The following RFTN1 variants were observed in gnomAD, a reference collection of about 807,000 sequenced individuals.
The protein encoded by RFTN1 is raftlin.
In RFTN1, 26 loss-of-function variants were observed where a neutral mutation model predicts 46.5. That is an observed-to-expected ratio of 0.56 (90% CI 0.41 to 0.78). The LOEUF is 0.78. RFTN1 is among the 30% of genes least tolerant of loss of function. The pLI, the probability that RFTN1 is intolerant of heterozygous loss-of-function variation, is 0.00. For missense variants in RFTN1, 693 were observed against 718.7 expected (o/e 0.96, Z 0.41); for synonymous variants, 261 against 284.2 (o/e 0.92, Z 0.82).
At chr3:16,358,943 A>G (rs369640743) in intron 6 of RFTN1, among the ~76,000 whole-genome samples, 1 of 150,862 alleles carries the variant, frequency 6.6e-6, no homozygotes, top group African/African-American at 2.4e-5. Context: ...GAGGCAGGAG[A>G]ATCGCTTGAA....
At chr3:16,409,708 G>T (rs1432296263) in intron 3 of RFTN1, among the ~76,000 whole-genome samples, 2 of 137,014 alleles carry the variant, frequency 1.5e-5, no homozygotes, top group African/African-American at 2.8e-5. Context: ...TTTTTGAGAC[G>T]GAGTCTTGCT....
rs1232402422 is a variant in RFTN1, at chr3:16,348,424, C to T, written c.1146+9508G>A. Among the ~76,000 whole-genome samples, 1 of 152,186 alleles carries T rather than the reference C, an allele frequency of 6.6e-6. No individual in the cohort carries two copies. Among genetic ancestry groups the T allele is most frequent in the Non-Finnish European group, 1.5e-5 (1 of 68,032 alleles). Reference sequence around the variant, plus strand: ...TGGCCTCTGCTCCTGTCACTTCCCACAGCAGGAAGCCCCCACACTCAATTC... The same window carrying T: ...TGGCCTCTGCTCCTGTCACTTCCCATAGCAGGAAGCCCCCACACTCAATTC... On this transcript the variant is annotated intron_variant, in intron 7 of 9. Coordinates refer to ENST00000334133, the MANE Select transcript of RFTN1 (RefSeq NM_015150.2). The surrounding 1 kb of genome is among the most constrained non-coding windows in gnomAD (Gnocchi z 6.3).
At position 16,424,240 on chromosome 3, in the gene RFTN1, T is replaced by G. The variant is rs1352664303; in HGVS notation, c.332+9611A>C. Among the ~76,000 whole-genome samples the G allele has an allele frequency of 6.6e-6, 1 of 152,076 alleles. No individual in the cohort carries two copies. Among genetic ancestry groups the G allele is most frequent in the Non-Finnish European group, 1.5e-5 (1 of 68,012 alleles). ...CATGAGTCTCAAGATGGAACTTGAG[T>G]TCTATATTCACCACACACTCCCATT... On this transcript the variant is annotated intron_variant, in intron 3 of 9. Transcript: ENST00000334133. This position sits in a 1 kb window ranked among gnomAD's most constrained non-coding sequence, Gnocchi z 4.7.
intron 2 of RFTN1, among the ~76,000 whole-genome samples, chr3:16,438,881 C>T (rs4453821): frequency 6.6e-6 from 1 of 152,142 alleles, no homozygotes; most frequent in Admixed American, 6.5e-5. Flanking sequence ...TGAAATCCTT[C>T]CCCATTCCCA....
chr3:16,320,455 A>G lies in RFTN1; in HGVS notation c.1332+2921T>C, dbSNP rs971283060. On this transcript the variant is annotated intron_variant, in intron 9 of 9. Transcript: ENST00000334133. The surrounding 1 kb of genome is among the most constrained non-coding windows in gnomAD (Gnocchi z 4.5). ...TGATTACTCATTCATTGATTCGACAAGTATCTGTTGAGCACCAACTAAAAT... is the reference window on the plus strand; with the variant it reads ...TGATTACTCATTCATTGATTCGACAGGTATCTGTTGAGCACCAACTAAAAT... Among the ~76,000 whole-genome samples, 6 of 152,254 alleles carry G rather than the reference A, an allele frequency of 3.9e-5. No individual in the cohort carries two copies. The highest frequency in any genetic ancestry group is 8.8e-5 in the Non-Finnish European group (6 of 68,044).
rs2068469178 is a variant in RFTN1, at chr3:16,317,008, C to A, written c.1557G>T (p.Gln519His). 6.2e-7 allele frequency: 1 copy of A among 1,613,626 alleles called. No homozygotes were observed. Among genetic ancestry groups the A allele is most frequent in the East Asian group, 2.2e-5 (1 of 44,806 alleles). ...KGPVQEDKGEQLSPGGLLCGV... is the reference protein window; with the variant it reads ...KGPVQEDKGEHLSPGGLLCGV... The stretch of plus-strand genomic sequence containing the variant: ...CACACAGCAGGCCACCAGGGGACAG[C>A]TGTTCTCCCTTGTCCTCTTGGACAG... Residue 519 changes from glutamine to histidine, a missense_variant, in exon 10 of 10, where the codon CAG becomes CAT. Gln to His is a conservative substitution (Grantham distance 24). Coordinates refer to ENST00000334133, the MANE Select transcript of RFTN1 (RefSeq NM_015150.2). The surrounding 1 kb of genome is among the most constrained non-coding windows in gnomAD (Gnocchi z 4.3).
rs1031191440 is a variant in RFTN1, at chr3:16,338,629, T to C, written c.1147-11753A>G. Among the ~76,000 whole-genome samples, 2 of 152,182 alleles carry C rather than the reference T, an allele frequency of 1.3e-5. No individual in the cohort carries two copies. Among genetic ancestry groups the C allele is most frequent in the African/African-American group, 4.8e-5 (2 of 41,438 alleles). ...GACTTGCCAGGTCCCTCCTACTGGC[T>C]TTGATGAGAGAGAAAACTAGGCTTT... is the stretch of plus-strand genomic sequence containing the variant. On this transcript the variant is annotated intron_variant, in intron 7 of 9. Coordinates refer to ENST00000334133, the MANE Select transcript of RFTN1 (RefSeq NM_015150.2). The surrounding 1 kb of genome is among the most constrained non-coding windows in gnomAD (Gnocchi z 5.3).
chr3:16,414,203 T>C (rs12486361), intron 3 of RFTN1, among the ~76,000 whole-genome samples: 70,643 of 151,508 alleles, frequency 0.47, 16,536 homozygotes, highest in East Asian at 0.58. Context: ...CCTCTGCCTT[T>C]GTGGAGCTAA....
Position 16,374,999 on chromosome 3 carries a change from C to T in RFTN1, c.826+2719G>A, listed in dbSNP as rs557822546. On this transcript the variant is annotated intron_variant, in intron 5 of 9. Transcript: ENST00000334133. This position sits in a 1 kb window ranked among gnomAD's most constrained non-coding sequence, Gnocchi z 5.4. ...CAGGCATTGCCTAGATTCCTCTCCC[C>T]AAGGCCTCCTATAAAGGAAATAAAT... Among the ~76,000 whole-genome samples, 1 of 152,172 alleles carries T rather than the reference C, an allele frequency of 6.6e-6. No individual in the cohort carries two copies. Among genetic ancestry groups the T allele is most frequent in the East Asian group, 1.9e-4 (1 of 5,188 alleles).
chr3:16,331,457 T>C (rs2070301907), intron 7 of RFTN1, among the ~76,000 whole-genome samples: 2 of 152,232 alleles, frequency 1.3e-5, no homozygotes, highest in South Asian at 4.1e-4. Context: ...TATTGCTCAA[T>C]GCTGGGTCAA....
At chr3:16,395,814 G>C (rs1485598294) in intron 4 of RFTN1, among the ~76,000 whole-genome samples, 2 of 152,194 alleles carry the variant, frequency 1.3e-5, no homozygotes, top group Non-Finnish European at 2.9e-5. Flanking sequence ...ATTGAGATGT[G>C]ATTTAAGTGA....
chr3:16,362,193 A>G (rs1407549407), intron 6 of RFTN1, among the ~76,000 whole-genome samples: 1 of 152,200 alleles, frequency 6.6e-6, no homozygotes, highest in East Asian at 1.9e-4. Context: ...CCAACATAAG[A>G]TAGTTCTCCA....
chr3:16,399,691 A>G (rs1399898437), intron 4 of RFTN1, among the ~76,000 whole-genome samples: 1 of 152,066 alleles, frequency 6.6e-6, no homozygotes, highest in East Asian at 1.9e-4. Context: ...TTCAGTTACC[A>G]TCTGCCAGCA....
At chr3:16,396,350 G>A (rs1168999821) in intron 4 of RFTN1, among the ~76,000 whole-genome samples, 4 of 152,146 alleles carry the variant, frequency 2.6e-5, no homozygotes, top group East Asian at 1.9e-4. Context: ...GTGCAGCAGC[G>A]TGATCCTAGC....
At chr3:16,379,173 G>C (rs1279706221) in intron 4 of RFTN1, among the ~76,000 whole-genome samples, 1 of 152,194 alleles carries the variant, frequency 6.6e-6, no homozygotes. Flanking sequence ...CCTCATTTGA[G>C]AGTCAGTTTT....
intron 4 of RFTN1, among the ~76,000 whole-genome samples, chr3:16,397,411 G>A (rs956795074): frequency 1.3e-5 from 2 of 152,180 alleles, no homozygotes; most frequent in Non-Finnish European, 2.9e-5. Flanking sequence ...AATAAGTCTG[G>A]AGATCTAATG....
chr3:16,317,447 T>C lies in RFTN1; in HGVS notation c.1333-215A>G, dbSNP rs142728205. 6.5e-3 allele frequency among the ~76,000 whole-genome samples: 989 copies of C among 152,082 alleles called. 11 individuals are homozygous for C. The highest frequency in any genetic ancestry group is 0.011 in the Non-Finnish European group (735 of 67,970). On this transcript the variant is annotated intron_variant, in intron 9 of 9. Transcript: ENST00000334133. This position sits in a 1 kb window ranked among gnomAD's most constrained non-coding sequence, Gnocchi z 4.3. ...GCACCACACCTTCCAGGATGTGTATTTTAGATGTAGATTTCAGGTTCTGTT... is the reference window on the plus strand; with the variant it reads ...GCACCACACCTTCCAGGATGTGTATCTTAGATGTAGATTTCAGGTTCTGTT...
Position 16,377,727 on chromosome 3 carries a change from G to T in RFTN1, c.817C>A (p.Leu273Ile). The change falls in exon 5 of 10, where the codon CTC becomes ATC. Residue 273 changes from leucine (L) to isoleucine (I), a missense_variant. Transcript: ENST00000334133. ...TTGCTGACATACTTACTCCCTGAGA[G>T]TGGCTCTTCATGCACCTCCAAGGGG... is the stretch of plus-strand genomic sequence containing the variant. ...SNPLEVHEEPLSGKMEIFTLF... is the reference protein window; with the variant it reads ...SNPLEVHEEPISGKMEIFTLF... 1.3e-6 allele frequency: 2 copies of T among 1,592,354 alleles called. No individual in the cohort carries two copies. The highest frequency in any genetic ancestry group is 8.6e-7 in the Non-Finnish European group (1 of 1,163,566).
rs1420047593 is a variant in RFTN1, at chr3:16,451,173, G to A, written c.146-17136C>T. 6.6e-6 allele frequency among the ~76,000 whole-genome samples: 1 copy of A among 152,174 alleles called. No individual in the cohort carries two copies. Among genetic ancestry groups the A allele is most frequent in the Non-Finnish European group, 1.5e-5 (1 of 68,026 alleles). ...ATAGTTAGTGGCTGAGCGCAGATGGGCAGATCTGCAAAGGAGGCAGAGGAG... is the reference window on the plus strand; with the variant it reads ...ATAGTTAGTGGCTGAGCGCAGATGGACAGATCTGCAAAGGAGGCAGAGGAG... On this transcript the variant is annotated intron_variant, in intron 2 of 9. Transcript: ENST00000334133. The surrounding 1 kb of genome is among the most constrained non-coding windows in gnomAD (Gnocchi z 4.2).
Sources: allele counts gnomAD v4.1 joint callset (sites outside exome capture counted in the v4.1 genomes callset), GRCh38; gene constraint gnomAD v4.1.1; non-coding constraint Gnocchi (gnomAD v3.1); transcripts MANE v1.5; gene names NCBI Gene and HGNC (gene_info 2026-07-23, HGNC 2026-07-21).